Variants in PIK3R1 observed in about 807,000 individuals in gnomAD.
The protein encoded by PIK3R1 is phosphatidylinositol 3-kinase regulatory subunit alpha.
In PIK3R1, 29 loss-of-function variants were observed where a neutral mutation model predicts 98.0. The observed-to-expected ratio is 0.30, with a 90% CI of 0.22 to 0.40. The LOEUF (loss-of-function observed/expected upper bound fraction) is 0.40. Among genes scored for constraint, PIK3R1 ranks in the 10% least tolerant of loss-of-function variants. The probability of loss-of-function intolerance (pLI) is 1.00; values close to 1 mark genes in which losing one functional copy is unlikely to be tolerated. For missense variants in PIK3R1, 596 were observed against 872.7 expected, an observed-to-expected ratio of 0.68 and a Z score of 3.99; for synonymous variants, 282 against 311.8, an observed-to-expected ratio of 0.90 and a Z score of 1.01.
At chr5:68,292,818 C>A in intron 8 of PIK3R1, 1 of 1,029,146 alleles carries the variant, frequency 9.7e-7, no homozygotes, top group Non-Finnish European at 1.3e-6. Flanking sequence ...AAACTTAGTA[C>A]CACAGATACA....
At chr5:68,217,495 T>C (rs1461942218) in intron 1 of PIK3R1, 1 of 152,230 alleles carries the variant, frequency 6.6e-6, no homozygotes, top group Non-Finnish European at 1.5e-5. Context: ...ATACAACTTT[T>C]TGACAGATTA....
chr5:68,231,014 C>A (rs947993031), intron 2 of PIK3R1, among the ~76,000 whole-genome samples: 1 of 152,150 alleles, frequency 6.6e-6, no homozygotes, highest in Non-Finnish European at 1.5e-5. Context: ...CCCGCTACAC[C>A]AACCCCATTC....
At chr5:68,268,850 CA>C (rs1343203117) in intron 2 of PIK3R1, among the ~76,000 whole-genome samples, 2 of 152,166 alleles carry the variant, frequency 1.3e-5, no homozygotes, top group African/African-American at 2.4e-5. Flanking sequence ...TCACTTAATG[CA>C]AAGAATGCCA....
chr5:68,241,210 A>C (rs1398977169), intron 2 of PIK3R1, among the ~76,000 whole-genome samples: 1 of 152,104 alleles, frequency 6.6e-6, no homozygotes, highest in Non-Finnish European at 1.5e-5. Context: ...AGGCCTCCTA[A>C]AATGAGAGGA....
intron 2 of PIK3R1, among the ~76,000 whole-genome samples, chr5:68,254,184 C>G (rs1745426911): frequency 6.6e-6 from 1 of 152,138 alleles, no homozygotes; most frequent in African/African-American, 2.4e-5. Context: ...TTGCCAAATA[C>G]AAAGATAAAC....
chr5:68,285,120 A>G (rs1395313096), intron 7 of PIK3R1, among the ~76,000 whole-genome samples: 3 of 152,360 alleles, frequency 2.0e-5, no homozygotes, highest in East Asian at 1.9e-4. Context: ...GAAACCCATT[A>G]TAAGTGTATT....
intron 2 of PIK3R1, among the ~76,000 whole-genome samples, chr5:68,246,336 CAG>C (rs1745083630): frequency 5.0e-5 from 7 of 138,992 alleles, no homozygotes; most frequent in African/African-American, 1.7e-4. Context: ...TTTTTTGAGA[CAG>C]AGTTTTACTC....
At chr5:68,225,612 C>G (rs1056761524) in intron 1 of PIK3R1, among the ~76,000 whole-genome samples, 2 of 152,186 alleles carry the variant, frequency 1.3e-5, no homozygotes, top group South Asian at 2.1e-4. Context: ...GTCCTCACTA[C>G]CTCTTGGCCA....
intron 2 of PIK3R1, among the ~76,000 whole-genome samples, chr5:68,258,987 C>CT (rs1250840393): frequency 1.3e-5 from 2 of 152,314 alleles, no homozygotes; most frequent in East Asian, 1.9e-4. Context: ...GAATATGATA[C>CT]TTTTTTTCTT....
intron 4 of PIK3R1, among the ~76,000 whole-genome samples, chr5:68,278,705 G>C (rs533450379): frequency 6.6e-5 from 10 of 152,302 alleles, no homozygotes; most frequent in African/African-American, 2.4e-4. Flanking sequence ...ACTTTGGGAG[G>C]CTGAGGCGGG....
At chr5:68,232,997 T>G (rs1208975928) in intron 2 of PIK3R1, among the ~76,000 whole-genome samples, 2 of 152,256 alleles carry the variant, frequency 1.3e-5, no homozygotes, top group South Asian at 2.1e-4. Context: ...GATGTCAGTC[T>G]TCTCTGGTTT....
chr5:68,282,086 G>A (rs558544664), intron 7 of PIK3R1, among the ~76,000 whole-genome samples: 3 of 152,210 alleles, frequency 2.0e-5, no homozygotes, highest in South Asian at 2.1e-4. Flanking sequence ...AGAGGTATCC[G>A]GTATAGTAGA....
chr5:68,258,617 TC>T (rs1213826264), intron 2 of PIK3R1, among the ~76,000 whole-genome samples: 1 of 152,200 alleles, frequency 6.6e-6, no homozygotes, highest in Non-Finnish European at 1.5e-5. Flanking sequence ...TACCAGTCTT[TC>T]CCTGATCATT....
At chr5:68,273,764 C>T in intron 3 of PIK3R1, 175 bp from the exon 4 acceptor site, 2 of 648,318 alleles carry the variant, frequency 3.1e-6, no homozygotes, top group Non-Finnish European at 5.4e-6. Flanking sequence ...ATGGTTTTGC[C>T]AAAATTATCA....
chr5:68,267,596 C>G (rs1330753053), intron 2 of PIK3R1, among the ~76,000 whole-genome samples: 1 of 152,038 alleles, frequency 6.6e-6, no homozygotes, highest in Non-Finnish European at 1.5e-5. Context: ...ATTTCCACAT[C>G]TACTCTTTGT....
Position 68,262,751 on chromosome 5 carries a change from A to G in PIK3R1, c.335-10639A>G, listed in dbSNP as rs1191515003. Among the ~76,000 whole-genome samples, 19 of 139,604 alleles carry G rather than the reference A, an allele frequency of 1.4e-4. 2 individuals carry two copies. Among genetic ancestry groups the G allele is most frequent in the South Asian group, 2.3e-4 (1 of 4,314 alleles). The allele number at this position is 139,604 out of a possible 152,430, so 91.6% of individuals were successfully genotyped here. On this transcript the variant is annotated intron_variant, in intron 2 of 15. Coordinates refer to ENST00000521381, the MANE Select transcript of PIK3R1 (RefSeq NM_181523.3). ...TATATACATGTAGATGCATGTAGAT[A>G]CATGTATACATATATACATGTAGAT... is the stretch of plus-strand genomic sequence containing the variant.
chr5:68,225,457 C>T (rs1331690644), intron 1 of PIK3R1, among the ~76,000 whole-genome samples: 1 of 152,180 alleles, frequency 6.6e-6, no homozygotes, highest in Admixed American at 6.5e-5. Context: ...GTGCTCCAAA[C>T]TCTCATTAAT....
chr5:68,252,338 G>T (rs925099651), intron 2 of PIK3R1, among the ~76,000 whole-genome samples: 1 of 149,876 alleles, frequency 6.7e-6, no homozygotes, highest in Non-Finnish European at 1.5e-5. Flanking sequence ...TTATTTGAAA[G>T]CAAAGCTTGT....
At chr5:68,278,766 C>G (rs557381449) in intron 4 of PIK3R1, among the ~76,000 whole-genome samples, 4 of 152,116 alleles carry the variant, frequency 2.6e-5, no homozygotes, top group South Asian at 4.2e-4. Flanking sequence ...ATGATGAAAC[C>G]CTGTCTCTAC....
Sources: gnomAD v4.1 joint callset for allele counts (sites outside exome capture counted in the v4.1 genomes callset) on GRCh38, gnomAD v4.1.1 for gene constraint, MANE v1.5 for transcripts, NCBI Gene and HGNC (gene_info 2026-07-23, HGNC 2026-07-21) for gene names.